The following HIRA variants were observed in gnomAD, a reference collection of about 807,000 sequenced individuals.
HIRA encodes histone cell cycle regulator, also known as protein HIRA.
HIRA carries 13 observed loss-of-function variants against 126.6 expected under a neutral mutation model. That is an observed-to-expected ratio of 0.10 (90% CI 0.07 to 0.16). The LOEUF is 0.16. HIRA is among the 10% of genes least tolerant of loss of function. HIRA has a pLI of 1.00. For missense variants in HIRA, 834 were observed against 1,314.4 expected (o/e 0.63, Z 5.65); for synonymous variants, 511 against 520.0 (o/e 0.98, Z 0.24).
intron 1 of HIRA, among the ~76,000 whole-genome samples, chr22:19,417,172 C>A (rs2089405311): frequency 6.6e-6 from 1 of 151,974 alleles, no homozygotes; most frequent in Non-Finnish European, 1.5e-5. Flanking sequence ...TGCACTCCAG[C>A]CTGGGCGACA....
In HIRA at chr22:19,396,620, G is replaced by A. The variant is rs117852980; in HGVS notation, c.654+167C>T. Among the ~76,000 whole-genome samples, 1,169 of 152,354 alleles carry A rather than the reference G, an allele frequency of 7.7e-3. 28 individuals carry two copies. Among genetic ancestry groups the A allele is most frequent in the East Asian group, 0.069 (356 of 5,180 alleles). The stretch of plus-strand genomic sequence containing the variant: ...AGGATTCTGTATTATCTGACTCTTA[G>A]GGCCAGAGTCCCACCCCAGAGAGCC... On this transcript the variant is annotated intron_variant, in intron 7 of 24. Transcript: ENST00000263208.
chr22:19,351,543 G>A lies in HIRA; in HGVS notation c.2849-97C>T. On this transcript the variant is annotated intron_variant, in intron 23 of 24. Coordinates refer to ENST00000263208, the MANE Select transcript of HIRA (RefSeq NM_003325.4). The surrounding 1 kb of genome is among the most constrained non-coding windows in gnomAD (Gnocchi z 4.8). Reference sequence around the variant, plus strand: ...AATAAAATCAAGAATATGTTGTTGTGTCTATCAAATCAGAATAAACACATG... The same window carrying A: ...AATAAAATCAAGAATATGTTGTTGTATCTATCAAATCAGAATAAACACATG... 1.0e-6 allele frequency: 1 copy of A among 974,036 alleles called. No homozygotes were observed. Among genetic ancestry groups the A allele is most frequent in the Non-Finnish European group, 1.6e-6 (1 of 636,332 alleles). The allele number at this position is 974,036 out of a possible 1,614,324, so 60.3% of individuals were successfully genotyped here. A position where few individuals can be genotyped will look rare whatever the true frequency, so the allele number is the denominator to read the frequency against.
chr22:19,354,663 T>C (rs555214564), intron 21 of HIRA, among the ~76,000 whole-genome samples: 17 of 152,246 alleles, frequency 1.1e-4, no homozygotes, highest in Non-Finnish European at 1.9e-4. Flanking sequence ...CAAAGATGCC[T>C]ACAGAGAGTC....
chr22:19,376,169 A>C (rs575345704), intron 14 of HIRA, among the ~76,000 whole-genome samples: 1 of 152,242 alleles, frequency 6.6e-6, no homozygotes, highest in African/African-American at 2.4e-5. Context: ...CCACTTTGAC[A>C]ATGAGTCTCA....
intron 9 of HIRA, among the ~76,000 whole-genome samples, chr22:19,389,640 C>G (rs2089159694): frequency 6.6e-6 from 1 of 152,104 alleles, no homozygotes; most frequent in African/African-American, 2.4e-5. Context: ...CTTGTCCCTC[C>G]TCTCATAAAT....
intron 19 of HIRA, 146 bp downstream of exon 19, chr22:19,356,744 G>A: frequency 1.3e-6 from 1 of 766,690 alleles, no homozygotes; most frequent in Non-Finnish European, 2.1e-6. Flanking sequence ...CCCAACACAA[G>A]CAATATCACT....
chr22:19,365,520 A>C (rs1294389643), intron 15 of HIRA, among the ~76,000 whole-genome samples: 1 of 152,256 alleles, frequency 6.6e-6, no homozygotes, highest in Non-Finnish European at 1.5e-5. Flanking sequence ...AAGAAAGCCT[A>C]GATGACAGCA....
rs972843524 is a variant in HIRA at position 19,347,666 on chromosome 22, C to T, written c.2937+3692G>A. Among the ~76,000 whole-genome samples the T allele has an allele frequency of 3.3e-5, 5 of 151,876 alleles. No homozygotes were observed. In the South Asian group the frequency reaches 6.2e-4, roughly 19 times the overall value. On this transcript the variant is annotated intron_variant, in intron 24 of 24. Transcript: ENST00000263208. The stretch of plus-strand genomic sequence containing the variant: ...CAAACTTGAGGGCCTGGGTTGGGAG[C>T]GGTGGCTCATGTCTATAATCCCAGC...
At chr22:19,350,139 TTTTAA>T (rs1430090541) in intron 24 of HIRA, among the ~76,000 whole-genome samples, 1 of 152,112 alleles carries the variant, frequency 6.6e-6, no homozygotes, top group African/African-American at 2.4e-5. Flanking sequence ...CTCCCTGCCC[TTTTAA>T]TTTTTTTCCC....
chr22:19,404,148 C>G (rs931063246), intron 5 of HIRA, among the ~76,000 whole-genome samples: 3 of 152,150 alleles, frequency 2.0e-5, no homozygotes, highest in African/African-American at 7.2e-5. Flanking sequence ...CTTTGCTTTT[C>G]AAAGATCCGG....
intron 5 of HIRA, among the ~76,000 whole-genome samples, chr22:19,400,537 C>T (rs747386496): frequency 2.6e-5 from 4 of 152,212 alleles, no homozygotes; most frequent in African/African-American, 4.8e-5. Context: ...TCTTATCCTT[C>T]CAGATACGAT....
At position 19,351,108 on chromosome 22, in the gene HIRA, C is replaced by T. The variant is rs1556010740; in HGVS notation, c.2937+250G>A. The T allele has an allele frequency of 2.0e-6, 2 of 985,064 alleles. No individual in the cohort carries two copies. The highest frequency in any genetic ancestry group is 3.5e-5 in the African/African-American group (2 of 57,214). The allele number at this position is 985,064 out of a possible 1,614,324, so 61.0% of individuals were successfully genotyped here. On this transcript the variant is annotated intron_variant, in intron 24 of 24. Coordinates refer to ENST00000263208, the MANE Select transcript of HIRA (RefSeq NM_003325.4). The surrounding 1 kb of genome is among the most constrained non-coding windows in gnomAD (Gnocchi z 4.8). The stretch of plus-strand genomic sequence containing the variant: ...TGTCTTCACAACCAAGCCCAGAGCC[C>T]CTGCAGGCAGCCTCCCTCAGCACAG...
intron 1 of HIRA, among the ~76,000 whole-genome samples, chr22:19,429,424 C>G (rs1039922993): frequency 6.6e-6 from 1 of 152,124 alleles, no homozygotes. Context: ...GCATGTGCCA[C>G]CGTGCCCAGC....
chr22:19,380,368 C>A (rs185430545), intron 13 of HIRA, among the ~76,000 whole-genome samples: 1 of 152,210 alleles, frequency 6.6e-6, no homozygotes, highest in African/African-American at 2.4e-5. Context: ...TTCCATTTAC[C>A]GAATTAGCCA....
chr22:19,394,331 T>C lies in HIRA; in HGVS notation c.822+11A>G, dbSNP rs751665205. ...TGGAGCCCATCTCCCTTTAGTTCCC[T>C]GGGCACTCACCACGACAGTCACAGC... On this transcript the variant is annotated intron_variant, in intron 8 of 24. Coordinates refer to ENST00000263208, the MANE Select transcript of HIRA (RefSeq NM_003325.4). 3.1e-6 allele frequency: 5 copies of C among 1,614,092 alleles called. No homozygotes were observed. Among genetic ancestry groups the C allele is most frequent in the South Asian group, 1.1e-5 (1 of 91,078 alleles).
chr22:19,415,660 AT>A (rs2089390203), intron 1 of HIRA, among the ~76,000 whole-genome samples: 1 of 152,172 alleles, frequency 6.6e-6, no homozygotes, highest in South Asian at 2.1e-4. Context: ...ATGGTAGCAC[AT>A]GCCTATAATC....
chr22:19,426,620 T>A (rs1293320335), intron 1 of HIRA, among the ~76,000 whole-genome samples: 1 of 152,212 alleles, frequency 6.6e-6, no homozygotes. Flanking sequence ...ATCTCTCTCA[T>A]CTATCTTCCA....
chr22:19,353,671 C>T, intron 22 of HIRA, 152 bp from the exon 23 acceptor site: 2 of 836,700 alleles, frequency 2.4e-6, no homozygotes, highest in Non-Finnish European at 3.6e-6. Context: ...TGGCAGATGC[C>T]AGATCTGTTG....
chr22:19,354,194 C>T, intron 21 of HIRA, 76 bp from the exon 22 acceptor site: 1 of 1,473,768 alleles, frequency 6.8e-7, no homozygotes, highest in Non-Finnish European at 9.1e-7. Context: ...CCAGAGAAGG[C>T]TGGCAAAGAG....
Sources: gnomAD v4.1 joint callset for allele counts (sites outside exome capture counted in the v4.1 genomes callset) on GRCh38, gnomAD v4.1.1 for gene constraint, Gnocchi (gnomAD v3.1) non-coding constraint, MANE v1.5 for transcripts, NCBI Gene and HGNC (gene_info 2026-07-23, HGNC 2026-07-21) for gene names.